Variants in ELAVL4 observed in about 807,000 individuals in gnomAD.
ELAVL4 encodes ELAV-like protein 4.
A neutral mutation model predicts 35.6 loss-of-function variants in ELAVL4; 1 was observed. The ratio of observed to expected loss-of-function variants is 0.03; its 90% CI spans 0.01 to 0.13. The LOEUF is 0.13. Ranked by LOEUF, ELAVL4 falls within the 10% of genes least tolerant of loss-of-function variation. The pLI, the probability that ELAVL4 is intolerant of heterozygous loss-of-function variation, is 1.00. For synonymous variants in ELAVL4, 156 were observed against 171.0 expected (o/e 0.91, Z 0.69); for missense variants, 267 against 464.9 (o/e 0.57, Z 3.91).
chr1:50,175,394 ACAC>A (rs1679832344), intron 2 of ELAVL4: 4 of 112,336 alleles, frequency 3.6e-5, no homozygotes, highest in African/African-American at 1.1e-4. Flanking sequence ...ACGTACACAC[ACAC>A]ACACACACAC....
upstream of ELAVL4, among the ~76,000 whole-genome samples, chr1:50,100,446 C>T (rs1665922655): frequency 6.6e-6 from 1 of 152,126 alleles, no homozygotes; most frequent in Non-Finnish European, 1.5e-5. Context: ...CCCCCTACCC[C>T]ACCTCTATTC....
chr1:50,182,412 A>C (rs1157166745), intron 3 of ELAVL4, among the ~76,000 whole-genome samples: 1 of 152,180 alleles, frequency 6.6e-6, no homozygotes, highest in Non-Finnish European at 1.5e-5. Context: ...GAGTAGGATT[A>C]AACAAGCGTT....
chr1:50,079,563 A>G (rs879700430), intron 1 of ELAVL4, among the ~76,000 whole-genome samples: 55 of 152,170 alleles, frequency 3.6e-4, no homozygotes, highest in African/African-American at 1.3e-3. Flanking sequence ...GGGAAAGACA[A>G]TTCTCTCAGT....
Position 50,185,067 on chromosome 1 carries a change from G to A in ELAVL4, c.354+7875G>A, listed in dbSNP as rs147353609. On this transcript the variant is annotated intron_variant, in intron 3 of 6. Transcript: ENST00000371824. The stretch of plus-strand genomic sequence containing the variant: ...CTACCTATATTAGACAGCACAGATA[G>A]AGAACATTTTCCTGATCCCAGAAAA... Among the ~76,000 whole-genome samples, 599 of 152,338 alleles carry A rather than the reference G, an allele frequency of 3.9e-3. 1 individual carries two copies. Among genetic ancestry groups the A allele is most frequent in the African/African-American group, 0.011 (478 of 41,588 alleles).
chr1:50,163,098 C>G (rs545664785), intron 2 of ELAVL4, among the ~76,000 whole-genome samples: 1 of 152,256 alleles, frequency 6.6e-6, no homozygotes, highest in South Asian at 2.1e-4. Context: ...TCTTTCTTCT[C>G]GAGGAATGGG....
rs1219965248 is a variant in ELAVL4 at position 50,081,321 on chromosome 1, CCAGAGTGAAGGTTATGAA to C, written c.18+33143_18+33160del. 2.0e-5 allele frequency among the ~76,000 whole-genome samples: 3 copies of C among 152,142 alleles called. No homozygotes were observed. The East Asian group carries it at 5.8e-4, about 29-fold the overall frequency. ...ATGGTTCTTCAAGAATACAGAATAC[CCAGAGTGAAGGTTATGAA>C]CAGCACATGGAGACAGGCCACATGT... On this transcript the variant is annotated intron_variant, in intron 1 of 6. Coordinates refer to the ELAVL4 transcript ENST00000448907.
chr1:50,145,015 G>C lies in ELAVL4; in HGVS notation c.68G>C (p.Gly23Ala). ...GGTCCGACATCCAATACAAGCAATG[G>C]ACCCTCCAGCAACAACAGAAACTGT... ...SNGPTSNTSN[G>A]PSSNNRNCPS... is the part of the protein sequence containing the mutation. Residue 23 changes from glycine (G) to alanine (A), a missense_variant, in exon 2 of 7, where the codon GGA becomes GCA. Transcript: ENST00000371824. The C allele has an allele frequency of 6.2e-7, 1 of 1,613,852 alleles. No homozygotes were observed. Among genetic ancestry groups the C allele is most frequent in the Middle Eastern group, 1.7e-4 (1 of 6,056 alleles).
upstream of ELAVL4, chr1:50,103,837 A>G: frequency 1.4e-6 from 2 of 1,476,170 alleles, no homozygotes; most frequent in East Asian, 4.9e-5. Context: ...AGAAGAGGTA[A>G]TCCAGACAGC....
Position 50,202,238 on chromosome 1 carries a change from AAGAC to A in ELAVL4, c.*1063_*1066del, listed in dbSNP as rs1263185100. On this transcript the variant is annotated 3_prime_UTR_variant, in exon 7 of 7. Coordinates refer to ENST00000371824, the MANE Select transcript of ELAVL4 (RefSeq NM_001144774.3). ...ACCCAAAAGCAAGGAGATGAGTTGA[AAGAC>A]AGTTTTTCTTTAAGTCATCAGTATG... 7.2e-5 allele frequency: 11 copies of A among 152,190 alleles called. No homozygotes were observed. The highest frequency in any genetic ancestry group is 2.7e-4 in the African/African-American group (11 of 41,450). The allele number at this position is 152,190 out of a possible 1,614,324, so 9.4% of individuals were successfully genotyped here. A position where few individuals can be genotyped will look rare whatever the true frequency, so the allele number is the denominator to read the frequency against.
intron 1 of ELAVL4, among the ~76,000 whole-genome samples, chr1:50,135,109 A>AT (rs1376268021): frequency 6.6e-6 from 1 of 152,064 alleles, no homozygotes; most frequent in African/African-American, 2.4e-5. Context: ...GTGGCTGCTG[A>AT]TTTTTTAAAA....
chr1:50,133,657 G>GAGAA (rs1671398241), intron 1 of ELAVL4, among the ~76,000 whole-genome samples: 2 of 147,230 alleles, frequency 1.4e-5, no homozygotes, highest in Non-Finnish European at 3.0e-5. Flanking sequence ...GAAAGAGAAA[G>GAGAA]AAAGAAAGAA....
At chr1:50,104,030 G>A, upstream of ELAVL4, 1 of 1,613,292 alleles carries the variant, frequency 6.2e-7, no homozygotes, top group Non-Finnish European at 8.5e-7. Context: ...TGGATAGCCT[G>A]GCAGATGGTA....
chr1:50,113,109 G>T (rs1211143149), intron 1 of ELAVL4, among the ~76,000 whole-genome samples: 1 of 152,044 alleles, frequency 6.6e-6, no homozygotes, highest in Admixed American at 6.6e-5. Context: ...TGTTTGAATG[G>T]TGCTTTGTAT....
At chr1:50,186,156 G>A (rs1185941126) in intron 3 of ELAVL4, among the ~76,000 whole-genome samples, 1 of 152,208 alleles carries the variant, frequency 6.6e-6, no homozygotes, top group Non-Finnish European at 1.5e-5. Context: ...CTAGGTGCCA[G>A]ACACCCTTAT....
intron 1 of ELAVL4, among the ~76,000 whole-genome samples, chr1:50,097,274 T>C (rs1394518106): frequency 1.3e-5 from 2 of 152,102 alleles, no homozygotes; most frequent in African/African-American, 2.4e-5. Flanking sequence ...TAGAGGAACA[T>C]GCTACTACCC....
At chr1:50,115,757 A>G (rs1557719862) in intron 1 of ELAVL4, among the ~76,000 whole-genome samples, 1 of 152,166 alleles carries the variant, frequency 6.6e-6, no homozygotes, top group Non-Finnish European at 1.5e-5. Context: ...AACAGTGTTC[A>G]TAATAGAGAC....
intron 1 of ELAVL4, among the ~76,000 whole-genome samples, chr1:50,144,046 AAGT>A (rs1673265364): frequency 6.6e-6 from 1 of 152,136 alleles, no homozygotes; most frequent in African/African-American, 2.4e-5. Context: ...CTATAAGCAG[AAGT>A]AATTGCTTCT....
At chr1:50,139,963 AC>A (rs1672545138) in intron 1 of ELAVL4, among the ~76,000 whole-genome samples, 1 of 152,194 alleles carries the variant, frequency 6.6e-6, no homozygotes, top group African/African-American at 2.4e-5. Context: ...GTTATTGTGC[AC>A]CGCTCTAATA....
chr1:50,101,368 T>G (rs1665968090), upstream of ELAVL4, among the ~76,000 whole-genome samples: 2 of 152,216 alleles, frequency 1.3e-5, no homozygotes, highest in South Asian at 4.1e-4. Flanking sequence ...AGCTTTAATC[T>G]TTTGTATTTC....
Sources: allele counts gnomAD v4.1 joint callset (sites outside exome capture counted in the v4.1 genomes callset), GRCh38; gene constraint gnomAD v4.1.1; transcripts MANE v1.5; gene names NCBI Gene and HGNC (gene_info 2026-07-23, HGNC 2026-07-21).